FAM185A: variants seen among roughly 807,000 people sequenced by gnomAD.
The protein encoded by FAM185A is family with sequence similarity 185 member A.
A neutral mutation model predicts 45.7 loss-of-function variants in FAM185A; 21 were observed. That is an observed-to-expected ratio of 0.46 (90% CI 0.33 to 0.66). The LOEUF (loss-of-function observed/expected upper bound fraction) is 0.66. Ranked by LOEUF, FAM185A falls within the 30% of genes least tolerant of loss-of-function variation. The pLI, the probability that FAM185A is intolerant of heterozygous loss-of-function variation, is 0.03. For synonymous variants in FAM185A, 117 were observed against 194.0 expected, an observed-to-expected ratio of 0.60 and a Z score of 3.30; for missense variants, 305 against 485.4, an observed-to-expected ratio of 0.63 and a Z score of 3.49.
the FAM185A span, chr7:102,826,950 T>G: frequency 3.4e-6 from 1 of 297,468 alleles, no homozygotes; most frequent in African/African-American, 2.1e-5. Context: ...CTCTATCGTA[T>G]TATTTTCATT....
chr7:102,781,966 T>A (rs1795438766), intron 6 of FAM185A, among the ~76,000 whole-genome samples: 1 of 152,106 alleles, frequency 6.6e-6, no homozygotes, highest in African/African-American at 2.4e-5. Flanking sequence ...CTAAAGGACC[T>A]GATGGAGCTG....
chr7:102,820,531 C>T, the FAM185A span, among the ~76,000 whole-genome samples: 4 of 152,148 alleles, frequency 2.6e-5, no homozygotes, highest in African/African-American at 9.7e-5. Context: ...AGGCAGGATT[C>T]GGATGTTACT....
At chr7:102,822,158 G>A in the FAM185A span, 29 of 1,614,144 alleles carry the variant, frequency 1.8e-5, no homozygotes, top group Admixed American at 8.3e-5. Context: ...AAAATGTGCA[G>A]GTAATGGCAT....
chr7:102,773,621 A>G (rs1794884333), intron 5 of FAM185A, among the ~76,000 whole-genome samples: 2 of 152,104 alleles, frequency 1.3e-5, no homozygotes, highest in African/African-American at 4.8e-5. Context: ...GTTTAACTTT[A>G]TGATAAACTA....
intron 3 of FAM185A, among the ~76,000 whole-genome samples, chr7:102,759,428 GT>G (rs527857855): frequency 2.6e-5 from 4 of 151,808 alleles, no homozygotes; most frequent in African/African-American, 7.3e-5. Flanking sequence ...TCAGTCTAGG[GT>G]TTTTTTCCTA....
chr7:102,758,354 A>T (rs1793889418), intron 3 of FAM185A, among the ~76,000 whole-genome samples: 1 of 146,288 alleles, frequency 6.8e-6, no homozygotes, highest in South Asian at 2.3e-4. Flanking sequence ...AAATTGAAGG[A>T]TGTTTCAAAA....
At chr7:102,793,711 A>G (rs1375049135) in intron 7 of FAM185A, among the ~76,000 whole-genome samples, 3 of 151,834 alleles carry the variant, frequency 2.0e-5, no homozygotes, top group African/African-American at 7.3e-5. Flanking sequence ...ACTCTGTTGC[A>G]TATATTTTTT....
the FAM185A span, chr7:102,822,366 G>C: frequency 8.1e-6 from 6 of 742,278 alleles, no homozygotes; most frequent in East Asian, 1.1e-4. Flanking sequence ...CCAAGACTGA[G>C]ATAAAGATAG....
chr7:102,782,028 T>G (rs1037716923), intron 6 of FAM185A, among the ~76,000 whole-genome samples: 60 of 152,150 alleles, frequency 3.9e-4, no homozygotes, highest in Non-Finnish European at 7.5e-4. Flanking sequence ...CAGTAGCTGA[T>G]TCGATCAACT....
the FAM185A span, among the ~76,000 whole-genome samples, chr7:102,820,469 T>C: frequency 2.6e-5 from 4 of 152,202 alleles, no homozygotes; most frequent in Non-Finnish European, 5.9e-5. Flanking sequence ...TTTATTTTTT[T>C]TGCACGTATA....
chr7:102,829,072 G>A, the FAM185A span, among the ~76,000 whole-genome samples: 1 of 152,172 alleles, frequency 6.6e-6, no homozygotes, highest in Non-Finnish European at 1.5e-5. Flanking sequence ...ATCTTTCCGT[G>A]CTTCAGCCCA....
chr7:102,756,453 C>A (rs1019842840), intron 2 of FAM185A, among the ~76,000 whole-genome samples: 50 of 151,446 alleles, frequency 3.3e-4, no homozygotes, highest in African/African-American at 1.2e-3. Flanking sequence ...GTCAAGAGAT[C>A]GAGACTATCC....
chr7:102,787,179 C>T (rs1319634731), intron 6 of FAM185A, among the ~76,000 whole-genome samples, 156 bp from the exon 7 acceptor site: 1 of 152,136 alleles, frequency 6.6e-6, no homozygotes, highest in African/African-American at 2.4e-5. Flanking sequence ...GAACTTTGGG[C>T]ACCTGGGAAT....
the FAM185A span, among the ~76,000 whole-genome samples, chr7:102,818,620 TC>T: frequency 6.6e-6 from 1 of 152,134 alleles, no homozygotes; most frequent in Admixed American, 6.6e-5. Context: ...GTAGGGACTG[TC>T]CGAGTTTAAG....
chr7:102,780,826 C>T (rs151253726), intron 6 of FAM185A, among the ~76,000 whole-genome samples: 4 of 152,100 alleles, frequency 2.6e-5, no homozygotes, highest in East Asian at 1.9e-4. Context: ...GGACAGTGGG[C>T]GCAGCGCACC....
chr7:102,761,107 C>T (rs563116194), intron 3 of FAM185A, among the ~76,000 whole-genome samples, 166 bp from the exon 4 acceptor site: 1 of 152,170 alleles, frequency 6.6e-6, no homozygotes, highest in Non-Finnish European at 1.5e-5. Flanking sequence ...AGAGAATGCA[C>T]TATTGCTCAG....
At chr7:102,759,338 T>C (rs1793971065) in intron 3 of FAM185A, among the ~76,000 whole-genome samples, 1 of 152,140 alleles carries the variant, frequency 6.6e-6, no homozygotes, top group South Asian at 2.1e-4. Context: ...CCAATGTTTA[T>C]GGTTTATTGA....
At chr7:102,803,127 A>T (rs1287308214) in intron 7 of FAM185A, among the ~76,000 whole-genome samples, 1 of 152,146 alleles carries the variant, frequency 6.6e-6, no homozygotes, top group Non-Finnish European at 1.5e-5. Context: ...TACCAATCCT[A>T]TTGACACTAT....
intron 4 of FAM185A, among the ~76,000 whole-genome samples, chr7:102,768,299 C>G (rs1269859731): frequency 1.5e-3 from 220 of 146,478 alleles, no homozygotes; most frequent in African/African-American, 5.2e-3. Context: ...TTGATCAGAG[C>G]CTTTGATCAT....
Sources: allele counts gnomAD v4.1 joint callset (sites outside exome capture counted in the v4.1 genomes callset), GRCh38; gene constraint gnomAD v4.1.1; transcripts MANE v1.5; gene names NCBI Gene and HGNC (gene_info 2026-07-23, HGNC 2026-07-21).